Variants in GALNT13 observed in about 807,000 individuals in gnomAD.
The protein encoded by GALNT13 is polypeptide N-acetylgalactosaminyltransferase 13.
A neutral mutation model predicts 64.2 loss-of-function variants in GALNT13; 28 were observed. That is an observed-to-expected ratio of 0.44 (90% confidence interval 0.32 to 0.60). The LOEUF (loss-of-function observed/expected upper bound fraction) is 0.60. Among genes scored for constraint, GALNT13 ranks in the 20% least tolerant of loss-of-function variants. GALNT13 has a pLI of 0.05. For missense variants in GALNT13, 577 were observed against 669.8 expected (o/e 0.86, Z 1.53); for synonymous variants, 214 against 224.6 (o/e 0.95, Z 0.42).
the GALNT13 span, among the ~76,000 whole-genome samples, chr2:153,218,867 T>G: frequency 6.6e-6 from 1 of 152,208 alleles, no homozygotes; most frequent in African/African-American, 2.4e-5. Flanking sequence ...CTCCTTAGAT[T>G]TTGGACTAGT....
the GALNT13 span, among the ~76,000 whole-genome samples, chr2:153,578,241 G>C: frequency 6.6e-6 from 1 of 152,008 alleles, no homozygotes; most frequent in Non-Finnish European, 1.5e-5. Context: ...TTTTGTGTTG[G>C]ATTGTTATAT....
the GALNT13 span, among the ~76,000 whole-genome samples, chr2:153,723,870 C>T: frequency 6.6e-6 from 1 of 150,928 alleles, no homozygotes. Context: ...GTGAAAATGG[C>T]CATACTGCCC....
the GALNT13 span, chr2:153,420,754 C>G: frequency 4.3e-6 from 1 of 231,094 alleles, no homozygotes; most frequent in African/African-American, 2.3e-5. Context: ...TCCTCACAGG[C>G]CTCAGAAAAT....
the GALNT13 span, among the ~76,000 whole-genome samples, chr2:153,266,215 T>C: frequency 1.3e-5 from 2 of 152,226 alleles, no homozygotes; most frequent in Non-Finnish European, 2.9e-5. Context: ...CATGATTGCC[T>C]AATACCTATT....
intron 3 of GALNT13, among the ~76,000 whole-genome samples, chr2:154,019,915 T>C (rs1239694477): frequency 6.7e-6 from 1 of 149,756 alleles, no homozygotes; most frequent in East Asian, 2.0e-4. Context: ...TGTGTTCTCA[T>C]TGTTCAGTTC....
chr2:153,317,575 T>C, the GALNT13 span, among the ~76,000 whole-genome samples: 3 of 152,182 alleles, frequency 2.0e-5, no homozygotes, highest in Non-Finnish European at 4.4e-5. Context: ...AAAACTTTTC[T>C]TATTAAAGTC....
chr2:153,306,863 G>T, the GALNT13 span, among the ~76,000 whole-genome samples: 1 of 152,026 alleles, frequency 6.6e-6, no homozygotes, highest in Non-Finnish European at 1.5e-5. Context: ...CAGCCTCCCA[G>T]GTAGCTGGGA....
intron 1 of GALNT13, among the ~76,000 whole-genome samples, chr2:153,896,462 A>G (rs1052611058): frequency 2.6e-5 from 4 of 151,880 alleles, no homozygotes; most frequent in Admixed American, 6.6e-5. Context: ...TAAATTGTAT[A>G]TACATAAACA....
chr2:154,353,243 G>C (rs978684464), intron 9 of GALNT13, among the ~76,000 whole-genome samples: 1 of 152,058 alleles, frequency 6.6e-6, no homozygotes, highest in Non-Finnish European at 1.5e-5. Context: ...TGGAACCCCT[G>C]TATAGTTAGC....
chr2:153,142,434 C>T, the GALNT13 span, among the ~76,000 whole-genome samples: 2 of 151,986 alleles, frequency 1.3e-5, no homozygotes, highest in African/African-American at 4.8e-5. Context: ...AGAGAGCTTA[C>T]CTTGGAATGA....
At chr2:153,505,634 A>G in the GALNT13 span, among the ~76,000 whole-genome samples, 4 of 151,692 alleles carry the variant, frequency 2.6e-5, no homozygotes, top group Non-Finnish European at 5.9e-5. Flanking sequence ...GGAGCAGGTT[A>G]CTTAATTTCT....
intron 9 of GALNT13, among the ~76,000 whole-genome samples, chr2:154,337,797 C>T (rs181602314): frequency 6.6e-5 from 10 of 151,400 alleles, no homozygotes; most frequent in African/African-American, 2.4e-4. Flanking sequence ...ACATAAAGAC[C>T]AGGTGGTCTT....
chr2:154,325,738 A>G (rs2105176388), intron 9 of GALNT13, among the ~76,000 whole-genome samples: 1 of 151,886 alleles, frequency 6.6e-6, no homozygotes, highest in Middle Eastern at 3.4e-3. Context: ...ATTGTAACTC[A>G]TTTTTAAAAC....
the GALNT13 span, among the ~76,000 whole-genome samples, chr2:153,685,840 G>A: frequency 6.6e-6 from 1 of 151,510 alleles, no homozygotes; most frequent in Non-Finnish European, 1.5e-5. Context: ...AAGGTATAAG[G>A]AAGGGGACCG....
chr2:153,179,747 A>T, the GALNT13 span, among the ~76,000 whole-genome samples: 1 of 152,052 alleles, frequency 6.6e-6, no homozygotes, highest in Admixed American at 6.5e-5. Context: ...TATAGTTTTC[A>T]GTGTACAAGT....
intron 9 of GALNT13, among the ~76,000 whole-genome samples, chr2:154,336,765 C>T (rs1559097951): frequency 6.6e-6 from 1 of 151,762 alleles, no homozygotes; most frequent in Non-Finnish European, 1.5e-5. Context: ...GTTTTAATGT[C>T]CTAATGCTTA....
chr2:154,374,167 G>T (rs944247922), intron 9 of GALNT13, among the ~76,000 whole-genome samples: 1 of 152,150 alleles, frequency 6.6e-6, no homozygotes, highest in Non-Finnish European at 1.5e-5. Flanking sequence ...TTGCAAATTG[G>T]TAATATGATT....
the GALNT13 span, among the ~76,000 whole-genome samples, chr2:153,865,722 A>G: frequency 3.2e-4 from 28 of 87,240 alleles, no homozygotes; most frequent in African/African-American, 1.2e-3. Context: ...GGGACTGTAA[A>G]CTAGTTCAAC....
chr2:153,365,750 C>G, the GALNT13 span, among the ~76,000 whole-genome samples: 1 of 151,898 alleles, frequency 6.6e-6, no homozygotes, highest in Non-Finnish European at 1.5e-5. Context: ...AATAACAGAT[C>G]CTAGCAAGGC....
Sources: allele counts gnomAD v4.1 joint callset (sites outside exome capture counted in the v4.1 genomes callset), GRCh38; gene constraint gnomAD v4.1.1; transcripts MANE v1.5; gene names NCBI Gene and HGNC (gene_info 2026-07-23, HGNC 2026-07-21).